The following SGCD variants were observed in gnomAD, a reference collection of about 807,000 sequenced individuals.
SGCD encodes the protein sarcoglycan delta.
Under a neutral mutation model 36.6 loss-of-function variants are expected in SGCD, and 18 were observed. The ratio of observed to expected loss-of-function variants is 0.49; its 90% CI spans 0.34 to 0.73. The LOEUF is 0.73. Ranked by LOEUF, SGCD falls within the 30% of genes least tolerant of loss-of-function variation. SGCD has a pLI of 0.01. For synonymous variants in SGCD, 133 were observed against 130.6 expected, an observed-to-expected ratio of 1.02 and a Z score of -0.12; for missense variants, 387 against 346.7, an observed-to-expected ratio of 1.12 and a Z score of -0.92.
At chr5:156,515,561 T>A (rs1757122134) in intron 4 of SGCD, among the ~76,000 whole-genome samples, 1 of 151,852 alleles carries the variant, frequency 6.6e-6, no homozygotes, top group Non-Finnish European at 1.5e-5. Flanking sequence ...CAATGGGGAG[T>A]TCCCGCCCCC....
chr5:155,893,607 C>T (rs1451171836), intron 1 of SGCD, among the ~76,000 whole-genome samples: 1 of 152,182 alleles, frequency 6.6e-6, no homozygotes, highest in Non-Finnish European at 1.5e-5. Flanking sequence ...TCCCAGCTGA[C>T]CATCAGTTAG....
chr5:155,798,108 C>T, the SGCD span, among the ~76,000 whole-genome samples: 4 of 152,204 alleles, frequency 2.6e-5, no homozygotes, highest in African/African-American at 9.6e-5. Flanking sequence ...TCCACAGGTT[C>T]TAAGTCATTT....
the SGCD span, among the ~76,000 whole-genome samples, chr5:155,734,629 A>G: frequency 6.6e-6 from 1 of 152,216 alleles, no homozygotes; most frequent in East Asian, 1.9e-4. Context: ...ACTGTTGTAT[A>G]TGAAACACAT....
chr5:155,829,965 A>G, the SGCD span, among the ~76,000 whole-genome samples: 2 of 152,336 alleles, frequency 1.3e-5, no homozygotes, highest in East Asian at 1.9e-4. Flanking sequence ...TCATTTAATT[A>G]TACAAATAAC....
chr5:155,752,782 C>T, the SGCD span, among the ~76,000 whole-genome samples: 33 of 152,166 alleles, frequency 2.2e-4, no homozygotes, highest in East Asian at 1.7e-3. Flanking sequence ...GATAAATTAA[C>T]TTTTGAATGT....
At chr5:155,803,327 A>G in the SGCD span, among the ~76,000 whole-genome samples, 1 of 152,222 alleles carries the variant, frequency 6.6e-6, no homozygotes, top group African/African-American at 2.4e-5. Flanking sequence ...CGGAGTCATC[A>G]GACAGGAATG....
At chr5:156,569,957 A>G (rs2113283896) in intron 4 of SGCD, among the ~76,000 whole-genome samples, 1 of 152,278 alleles carries the variant, frequency 6.6e-6, no homozygotes, top group South Asian at 2.1e-4. Context: ...AGGAGTTTGA[A>G]TTTAAGCCTA....
intron 1 of SGCD, among the ~76,000 whole-genome samples, chr5:156,015,176 A>G (rs1581042819): frequency 1.3e-5 from 2 of 152,300 alleles, no homozygotes; most frequent in East Asian, 1.9e-4. Flanking sequence ...TTCCACATTC[A>G]TTAGGTTCTC....
chr5:156,461,501 C>T (rs1000446991), intron 3 of SGCD, among the ~76,000 whole-genome samples: 1 of 151,922 alleles, frequency 6.6e-6, no homozygotes, highest in African/African-American at 2.4e-5. Flanking sequence ...TTAAAGATAG[C>T]TATAATGAAA....
intron 3 of SGCD, among the ~76,000 whole-genome samples, chr5:156,389,608 T>C (rs1487128946): frequency 6.6e-6 from 1 of 152,138 alleles, no homozygotes; most frequent in East Asian, 1.9e-4. Context: ...AGAATGAAAC[T>C]GTCCCACTGA....
chr5:155,784,392 G>A, the SGCD span, among the ~76,000 whole-genome samples: 3 of 152,216 alleles, frequency 2.0e-5, no homozygotes, highest in Non-Finnish European at 4.4e-5. Context: ...CGTGAAGCTA[G>A]GAAGGTAAGC....
chr5:156,607,618 A>G (rs1468849425), intron 6 of SGCD, among the ~76,000 whole-genome samples: 1 of 152,324 alleles, frequency 6.6e-6, no homozygotes, highest in Non-Finnish European at 1.5e-5. Flanking sequence ...TTCAGAAGGA[A>G]TGGTACCAGC....
At chr5:155,730,405 A>G in the SGCD span, among the ~76,000 whole-genome samples, 182 of 146,638 alleles carry the variant, frequency 1.2e-3, 1 homozygote, top group African/African-American at 4.5e-3. Context: ...TCTATAAAGG[A>G]GGTATTTAGA....
chr5:156,467,113 A>T (rs1248243726), intron 3 of SGCD, among the ~76,000 whole-genome samples: 2 of 152,200 alleles, frequency 1.3e-5, no homozygotes, highest in Non-Finnish European at 2.9e-5. Context: ...CAAAGTGTGA[A>T]CAAATGGGGA....
the SGCD span, among the ~76,000 whole-genome samples, chr5:155,752,511 T>C: frequency 6.6e-6 from 1 of 152,214 alleles, no homozygotes; most frequent in African/African-American, 2.4e-5. Flanking sequence ...CCTAGTTGGT[T>C]GATACCTACT....
At chr5:156,114,484 C>T (rs979816899) in intron 1 of SGCD, among the ~76,000 whole-genome samples, 4 of 151,880 alleles carry the variant, frequency 2.6e-5, no homozygotes, top group Non-Finnish European at 5.9e-5. Context: ...TTATAAAATG[C>T]CACATTGTGC....
chr5:155,728,120 G>C, the SGCD span, among the ~76,000 whole-genome samples: 1 of 152,090 alleles, frequency 6.6e-6, no homozygotes, highest in Non-Finnish European at 1.5e-5. Flanking sequence ...CCGCGCCTTC[G>C]GGAGCCTCTC....
chr5:155,804,717 G>T, the SGCD span, among the ~76,000 whole-genome samples: 3 of 152,198 alleles, frequency 2.0e-5, no homozygotes, highest in Admixed American at 6.5e-5. Flanking sequence ...TTCTCTGCAT[G>T]GATCAACCGT....
chr5:156,581,225 CGGA>C (rs1262131966), intron 4 of SGCD, among the ~76,000 whole-genome samples: 2 of 152,194 alleles, frequency 1.3e-5, no homozygotes, highest in African/African-American at 4.8e-5. Context: ...GTATCGCCAG[CGGA>C]GGCTGCAGAA....
Sources: allele counts gnomAD v4.1 joint callset (sites outside exome capture counted in the v4.1 genomes callset), GRCh38; gene constraint gnomAD v4.1.1; transcripts MANE v1.5; gene names NCBI Gene and HGNC (gene_info 2026-07-23, HGNC 2026-07-21).